MTRES1: variants seen among roughly 807,000 people sequenced by gnomAD.
The protein encoded by MTRES1 is uncharacterized protein C6orf203.
Under a neutral mutation model 17.4 loss-of-function variants are expected in MTRES1, and 11 were observed. The observed-to-expected ratio is 0.63, with a 90% CI of 0.40 to 1.05. The LOEUF (loss-of-function observed/expected upper bound fraction) is 1.05. Ranked by LOEUF, MTRES1 falls within the 50% of genes least tolerant of loss-of-function variation. MTRES1 has a pLI of 0.00. For synonymous variants in MTRES1, 94 were observed against 99.6 expected (o/e 0.94, Z 0.34); for missense variants, 268 against 276.2 (o/e 0.97, Z 0.21).
chr6:107,033,406 G>A (rs1554226642), intron 1 of MTRES1, among the ~76,000 whole-genome samples: 1 of 150,552 alleles, frequency 6.6e-6, no homozygotes, highest in East Asian at 1.9e-4. Context: ...TTTCAAGTGA[G>A]CTATAAGGAA....
chr6:107,041,683 G>A (rs1375967683), intron 2 of MTRES1, among the ~76,000 whole-genome samples: 2 of 151,850 alleles, frequency 1.3e-5, no homozygotes, highest in African/African-American at 2.4e-5. Context: ...CCACCACCAC[G>A]CCTGGCTAAT....
At chr6:107,043,532 G>A (rs2114963756) in intron 2 of MTRES1, among the ~76,000 whole-genome samples, 1 of 152,240 alleles carries the variant, frequency 6.6e-6, no homozygotes, top group East Asian at 1.9e-4. Context: ...TTGACCAAAG[G>A]CCTTACTGAT....
intron 1 of MTRES1, among the ~76,000 whole-genome samples, chr6:107,035,916 T>C (rs1372389890): frequency 1.3e-5 from 2 of 152,224 alleles, no homozygotes; most frequent in Non-Finnish European, 2.9e-5. Context: ...CCCAAAGTGC[T>C]GGGATTACAG....
intron 3 of MTRES1, among the ~76,000 whole-genome samples, chr6:107,047,098 C>T (rs964379024): frequency 4.6e-5 from 7 of 152,018 alleles, no homozygotes; most frequent in Non-Finnish European, 8.8e-5. Context: ...CACCACACCC[C>T]GCCAAAGGGA....
intron 1 of MTRES1, among the ~76,000 whole-genome samples, chr6:107,029,835 G>A (rs1554226211): frequency 6.6e-6 from 1 of 151,804 alleles, no homozygotes; most frequent in Non-Finnish European, 1.5e-5. Flanking sequence ...CAAACTCTTG[G>A]ACACAAGCGA....
intron 1 of MTRES1, among the ~76,000 whole-genome samples, chr6:107,039,306 GTTTT>G (rs1774107879): frequency 6.6e-6 from 1 of 151,692 alleles, no homozygotes; most frequent in African/African-American, 2.4e-5. Flanking sequence ...CCCTGTTTTT[GTTTT>G]TTTGTTTTTT....
intron 1 of MTRES1, among the ~76,000 whole-genome samples, chr6:107,032,026 A>G (rs879966606): frequency 2.6e-5 from 4 of 152,192 alleles, no homozygotes; most frequent in Non-Finnish European, 4.4e-5. Context: ...TGAGGAGTCA[A>G]TTAAGATGAG....
chr6:107,050,321 A>C (rs1394004762), intron 3 of MTRES1, among the ~76,000 whole-genome samples: 1 of 152,216 alleles, frequency 6.6e-6, no homozygotes, highest in Non-Finnish European at 1.5e-5. Flanking sequence ...TTCACTGTGC[A>C]TGTAGTAATT....
chr6:107,050,551 CTTTTTTTTT>C (rs142268482), intron 3 of MTRES1, among the ~76,000 whole-genome samples: 3 of 81,516 alleles, frequency 3.7e-5, no homozygotes, highest in African/African-American at 1.5e-4. Context: ...CTCTCCCTTT[CTTTTTTTTT>C]TTTTTTTTTT....
chr6:107,044,132 C>T, intron 2 of MTRES1, 128 bp from the exon 3 acceptor site: 1 of 648,726 alleles, frequency 1.5e-6, no homozygotes, highest in Non-Finnish European at 2.6e-6. Flanking sequence ...AAAAAACAAA[C>T]AAAAAAAATA....
intron 2 of MTRES1, among the ~76,000 whole-genome samples, chr6:107,041,858 G>C (rs1554227825): frequency 1.3e-5 from 2 of 152,018 alleles, no homozygotes; most frequent in African/African-American, 2.4e-5. Context: ...TTCCCTCTCT[G>C]CTAGATTAAT....
At chr6:107,036,670 G>A (rs1406990884) in intron 1 of MTRES1, among the ~76,000 whole-genome samples, 1 of 151,850 alleles carries the variant, frequency 6.6e-6, no homozygotes, top group African/African-American at 2.4e-5. Context: ...GGTGAAACCC[G>A]TCTCTACTAA....
At chr6:107,030,508 C>T (rs1309854560) in intron 1 of MTRES1, among the ~76,000 whole-genome samples, 1 of 152,200 alleles carries the variant, frequency 6.6e-6, no homozygotes, top group Admixed American at 6.6e-5. Flanking sequence ...AAACCCGGTG[C>T]AGTCTTCTAA....
rs1389046352 is a variant in MTRES1, at chr6:107,040,918, A to G, written c.470+688A>G. The G allele has an allele frequency of 1.3e-5, 2 of 151,486 alleles. 1 individual carries two copies. The highest frequency in any genetic ancestry group is 3.9e-4 in the East Asian group (2 of 5,164). 9.4% of individuals were successfully genotyped at this position (151,486 alleles called of 1,614,324 possible). ...TAGAATTAACAGCATGATGTATACT[A>G]AGATGTTGGTTAAGAATGCACGCTT... On this transcript the variant is annotated intron_variant, in intron 2 of 3. Coordinates refer to ENST00000311381, the MANE Select transcript of MTRES1 (RefSeq NM_016487.5).
chr6:107,037,694 G>A (rs1774057502), intron 1 of MTRES1, among the ~76,000 whole-genome samples: 1 of 152,070 alleles, frequency 6.6e-6, no homozygotes. Flanking sequence ...TTATTTTAGA[G>A]TACTCTGGAT....
intron 1 of MTRES1, among the ~76,000 whole-genome samples, chr6:107,031,794 T>A (rs1554226476): frequency 6.6e-6 from 1 of 151,950 alleles, no homozygotes; most frequent in Non-Finnish European, 1.5e-5. Flanking sequence ...AGAGACAGGG[T>A]TTCTCCATGT....
intron 1 of MTRES1, chr6:107,030,252 TG>T: frequency 8.8e-6 from 6 of 683,052 alleles, no homozygotes; most frequent in South Asian, 1.6e-5. Flanking sequence ...GAGACTTTGC[TG>T]TTCTCTGAGT....
intron 1 of MTRES1, among the ~76,000 whole-genome samples, chr6:107,029,743 C>G (rs976017925): frequency 6.7e-6 from 1 of 149,704 alleles, no homozygotes; most frequent in Admixed American, 6.7e-5. Flanking sequence ...CTCAGCCTCC[C>G]CAAGTACTGG....
chr6:107,032,400 C>T (rs1389587321), intron 1 of MTRES1, among the ~76,000 whole-genome samples: 3 of 152,140 alleles, frequency 2.0e-5, no homozygotes, highest in Non-Finnish European at 4.4e-5. Flanking sequence ...TTGAACCCTG[C>T]ATCAGCTGGA....
Sources: allele counts gnomAD v4.1 joint callset (sites outside exome capture counted in the v4.1 genomes callset), GRCh38; gene constraint gnomAD v4.1.1; transcripts MANE v1.5; gene names NCBI Gene and HGNC (gene_info 2026-07-23, HGNC 2026-07-21).